The following LRP1B variants were observed in gnomAD, a reference collection of about 807,000 sequenced individuals.
LRP1B encodes the protein low-density lipoprotein receptor-related protein 1B.
LRP1B carries 217 observed loss-of-function variants against 556.6 expected under a neutral mutation model. The observed-to-expected ratio is 0.39, with a 90% CI of 0.35 to 0.44. The LOEUF is 0.44. Among genes scored for constraint, LRP1B ranks in the 20% least tolerant of loss-of-function variants. LRP1B has a pLI of 1.00. For missense variants in LRP1B, 5,053 were observed against 5,620.8 expected (o/e 0.90, Z 3.23); for synonymous variants, 2,047 against 1,865.8 (o/e 1.10, Z -2.50).
chr2:141,529,166 A>T (rs1224464061), intron 2 of LRP1B, among the ~76,000 whole-genome samples: 1 of 152,210 alleles, frequency 6.6e-6, no homozygotes, highest in Admixed American at 6.5e-5. Flanking sequence ...AAGTACTGTG[A>T]TAGAGACCAT....
chr2:140,688,508 A>G (rs1686127907), intron 41 of LRP1B, among the ~76,000 whole-genome samples: 1 of 152,236 alleles, frequency 6.6e-6, no homozygotes, highest in African/African-American at 2.4e-5. Flanking sequence ...CCATAGTTTA[A>G]TGTATTATTT....
chr2:141,371,617 A>AT (rs1689234014), intron 3 of LRP1B, among the ~76,000 whole-genome samples: 1 of 151,806 alleles, frequency 6.6e-6, no homozygotes. Flanking sequence ...TTACAAGGTA[A>AT]TTTTTTAATA....
intron 3 of LRP1B, among the ~76,000 whole-genome samples, chr2:141,445,808 C>G (rs1681167227): frequency 6.6e-6 from 1 of 152,050 alleles, no homozygotes; most frequent in Non-Finnish European, 1.5e-5. Flanking sequence ...TCTGTTCTTT[C>G]TCATTTGCTG....
At chr2:140,726,225 T>A (rs972849667) in intron 35 of LRP1B, among the ~76,000 whole-genome samples, 1 of 152,140 alleles carries the variant, frequency 6.6e-6, no homozygotes, top group African/African-American at 2.4e-5. Flanking sequence ...CTAAAGAGAT[T>A]TTCAGTGACA....
At chr2:140,853,074 C>T (rs184691178) in intron 27 of LRP1B, among the ~76,000 whole-genome samples, 2 of 152,018 alleles carry the variant, frequency 1.3e-5, no homozygotes, top group East Asian at 3.9e-4. Context: ...CCACCTTTGC[C>T]CATTAGAAAA....
At chr2:141,763,608 G>A (rs1020297415) in intron 2 of LRP1B, among the ~76,000 whole-genome samples, 1 of 152,012 alleles carries the variant, frequency 6.6e-6, no homozygotes, top group African/African-American at 2.4e-5. Flanking sequence ...ACGACATGAT[G>A]GCCAGGTTTC....
chr2:141,582,982 C>A (rs549436431), intron 2 of LRP1B, among the ~76,000 whole-genome samples: 1 of 151,738 alleles, frequency 6.6e-6, no homozygotes, highest in South Asian at 2.1e-4. Context: ...ACTACAGGCA[C>A]CCGCCACCAT....
Position 141,666,738 on chromosome 2 carries a change from A to G in LRP1B, c.205+143541T>C, listed in dbSNP as rs1189841770. On this transcript the variant is annotated intron_variant, in intron 2 of 90. Coordinates refer to ENST00000389484, the MANE Select transcript of LRP1B (RefSeq NM_018557.3). ...ACTGCCCCTTTTACTTCCTCTACTCATAGTCAGGTTTCTGTCTCTTGAACT... is the reference window on the plus strand; with the variant it reads ...ACTGCCCCTTTTACTTCCTCTACTCGTAGTCAGGTTTCTGTCTCTTGAACT... Among the ~76,000 whole-genome samples the G allele has an allele frequency of 7.2e-5, 11 of 152,086 alleles. 1 individual carries two copies. Among genetic ancestry groups the G allele is most frequent in the Admixed American group, 7.2e-4 (11 of 15,260 alleles).
Position 141,612,961 on chromosome 2 carries a change from C to A in LRP1B, c.206-132428G>T, listed in dbSNP as rs36023464. Among the ~76,000 whole-genome samples, 194 of 151,296 alleles carry A rather than the reference C, an allele frequency of 1.3e-3. 1 individual carries two copies. The South Asian group carries it at 0.014, about 11-fold the overall frequency. On this transcript the variant is annotated intron_variant, in intron 2 of 90. Transcript: ENST00000389484. ...GGGACTACAGGTGTGTGCCACCACACCCAGCTAATTTTTTTTTTTTTGTAT... is the reference window on the plus strand; with the variant it reads ...GGGACTACAGGTGTGTGCCACCACAACCAGCTAATTTTTTTTTTTTTGTAT...
Position 140,994,083 on chromosome 2 carries a change from G to A in LRP1B, c.2556C>T (p.Cys852=), listed in dbSNP as rs947141134. ...PHICKAGEFR[C]KNRHCIQARW... Reference sequence around the variant, plus strand: ...GAGCTTGGATACAGTGTCTGTTTTTGCAGCGAAACTCTCCAGCTTTACATA... The same window carrying A: ...GAGCTTGGATACAGTGTCTGTTTTTACAGCGAAACTCTCCAGCTTTACATA... The change falls in exon 16 of 91, where the codon TGC becomes TGT. Residue 852 remains cysteine, a synonymous_variant. Transcript: ENST00000389484. 2 of 1,612,620 alleles carry A rather than the reference G, an allele frequency of 1.2e-6. No homozygotes were observed. The highest frequency in any genetic ancestry group is 3.3e-5 in the Admixed American group (2 of 59,880).
chr2:140,851,539 A>C, intron 28 of LRP1B, 113 bp downstream of exon 28: 2 of 1,233,254 alleles, frequency 1.6e-6, no homozygotes, highest in Middle Eastern at 2.6e-4. Context: ...AATATTTTTG[A>C]AAACAGAAAA....
chr2:141,835,495 G>T (rs1172287494), intron 1 of LRP1B, among the ~76,000 whole-genome samples: 3 of 151,516 alleles, frequency 2.0e-5, no homozygotes, highest in Non-Finnish European at 3.0e-5. Flanking sequence ...AGGTGGTGGT[G>T]GGGGGAGGGG....
intron 86 of LRP1B, among the ~76,000 whole-genome samples, chr2:140,254,782 G>C (rs1681605232): frequency 6.6e-6 from 1 of 151,984 alleles, no homozygotes; most frequent in Non-Finnish European, 1.5e-5. Flanking sequence ...TCAAACTCCT[G>C]ACCTCGTGAT....
intron 3 of LRP1B, among the ~76,000 whole-genome samples, chr2:141,322,754 A>T (rs1352886835): frequency 2.0e-5 from 3 of 152,030 alleles, no homozygotes. Flanking sequence ...TCCCCTTCTT[A>T]TGTCTTTATT....
At chr2:140,510,747 C>T (rs955449170) in intron 51 of LRP1B, among the ~76,000 whole-genome samples, 5 of 152,148 alleles carry the variant, frequency 3.3e-5, no homozygotes, top group Admixed American at 6.5e-5. Context: ...TCTACCTTTG[C>T]TCTATCACTG....
chr2:141,707,487 G>C (rs760395299), intron 2 of LRP1B, among the ~76,000 whole-genome samples: 21 of 152,068 alleles, frequency 1.4e-4, no homozygotes, highest in Non-Finnish European at 1.6e-4. Flanking sequence ...ATGAATATTA[G>C]AAATCCTCTA....
chr2:141,679,217 A>C (rs1266858674), intron 2 of LRP1B, among the ~76,000 whole-genome samples: 1 of 152,072 alleles, frequency 6.6e-6, no homozygotes, highest in Non-Finnish European at 1.5e-5. Context: ...CCCCAACAGA[A>C]CCTTCAGACA....
intron 3 of LRP1B, among the ~76,000 whole-genome samples, chr2:141,285,461 T>C (rs1216129298): frequency 2.1e-5 from 3 of 145,050 alleles, no homozygotes; most frequent in East Asian, 4.1e-4. Flanking sequence ...TTTTCTTTTT[T>C]TTTTTTTTTT....
chr2:141,013,334 A>C (rs1697809331), intron 14 of LRP1B, among the ~76,000 whole-genome samples: 1 of 151,984 alleles, frequency 6.6e-6, no homozygotes, highest in Non-Finnish European at 1.5e-5. Flanking sequence ...GAAAACCTTA[A>C]ACCTCACTCA....
Sources: allele counts gnomAD v4.1 joint callset (sites outside exome capture counted in the v4.1 genomes callset), GRCh38; gene constraint gnomAD v4.1.1; transcripts MANE v1.5; gene names NCBI Gene and HGNC (gene_info 2026-07-23, HGNC 2026-07-21).